The following LRRD1 variants were observed in gnomAD, a reference collection of about 807,000 sequenced individuals.
The protein encoded by LRRD1 is leucine rich repeats and death domain containing 1.
Under a neutral mutation model 69.5 loss-of-function variants are expected in LRRD1, and 49 were observed. The observed-to-expected ratio is 0.70, with a 90% CI of 0.56 to 0.89. LRRD1 has a LOEUF of 0.89. Among genes scored for constraint, LRRD1 ranks in the 40% least tolerant of loss-of-function variants. LRRD1 has a pLI of 0.00. For missense variants in LRRD1, 853 were observed against 956.0 expected, an observed-to-expected ratio of 0.89 and a Z score of 1.42; for synonymous variants, 303 against 338.9, an observed-to-expected ratio of 0.89 and a Z score of 1.16.
At chr7:92,158,911 T>C (rs1788737244) in intron 3 of LRRD1, 94 bp downstream of exon 3, 4 of 948,754 alleles carry the variant, frequency 4.2e-6, no homozygotes, top group Non-Finnish European at 6.2e-6. Flanking sequence ...TTATGTTGAC[T>C]CTTTGCCATT....
At chr7:92,156,576 T>A (rs542213889) in intron 3 of LRRD1, among the ~76,000 whole-genome samples, 5 of 152,336 alleles carry the variant, frequency 3.3e-5, no homozygotes, top group Middle Eastern at 3.4e-3. Context: ...TTTAAAGAAA[T>A]CAATTTCCAA....
At chr7:92,143,798 C>A (rs545724301), downstream of LRRD1, among the ~76,000 whole-genome samples, 1 of 152,334 alleles carries the variant, frequency 6.6e-6, no homozygotes, top group African/African-American at 2.4e-5. Flanking sequence ...CTGAAGGGCT[C>A]CTCAAGTGCC....
intron 1 of LRRD1, among the ~76,000 whole-genome samples, chr7:92,167,365 A>T (rs1788935363): frequency 6.6e-6 from 1 of 151,644 alleles, no homozygotes; most frequent in Non-Finnish European, 1.5e-5. Context: ...AAGTGCTGGG[A>T]TTACAGGTGT....
chr7:92,176,193 C>T (rs1789193067), intron 1 of LRRD1, among the ~76,000 whole-genome samples: 1 of 152,162 alleles, frequency 6.6e-6, no homozygotes, highest in Non-Finnish European at 1.5e-5. Context: ...AAGTGATATA[C>T]CCATGGTATT....
At chr7:92,158,926 A>G in intron 3 of LRRD1, 79 bp downstream of exon 3, 2 of 1,130,036 alleles carry the variant, frequency 1.8e-6, no homozygotes, top group Middle Eastern at 2.3e-4. Flanking sequence ...GCCATTCTGT[A>G]TCTTGTCAGC....
chr7:92,148,673 T>C (rs960150440), intron 4 of LRRD1, among the ~76,000 whole-genome samples: 58 of 152,136 alleles, frequency 3.8e-4, no homozygotes, highest in African/African-American at 1.3e-3. Context: ...TCTAAAGTAC[T>C]GTATCTAACA....
intron 3 of LRRD1, 38 bp from the exon 4 acceptor site, chr7:92,150,733 A>G (rs1255087533): frequency 2.8e-6 from 4 of 1,411,030 alleles, no homozygotes; most frequent in Admixed American, 2.2e-5. Flanking sequence ...ACATCTTTCT[A>G]TAAAAGAAAA....
chr7:92,172,695 G>A (rs531958172), intron 1 of LRRD1, among the ~76,000 whole-genome samples: 2 of 151,898 alleles, frequency 1.3e-5, no homozygotes, highest in South Asian at 2.1e-4. Context: ...TGAAGAGGAC[G>A]CAAAAAATGG....
At chr7:92,174,486 TATATATATATATATA>T (rs1789125498) in intron 1 of LRRD1, among the ~76,000 whole-genome samples, 1 of 16,304 alleles carries the variant, frequency 6.1e-5, no homozygotes, top group Non-Finnish European at 1.5e-4. Context: ...TATATATATA[TATATATATATATATA>T]TATATATATT....
chr7:92,146,297 G>A, intron 4 of LRRD1, 97 bp from the exon 5 acceptor site: 1 of 637,240 alleles, frequency 1.6e-6, no homozygotes, highest in Non-Finnish European at 2.6e-6. Context: ...GTGCTTCTAT[G>A]AAATATATAT....
chr7:92,150,367 A>T (rs1820435429), intron 4 of LRRD1, among the ~76,000 whole-genome samples, 167 bp downstream of exon 4: 1 of 152,148 alleles, frequency 6.6e-6, no homozygotes, highest in African/African-American at 2.4e-5. Flanking sequence ...CAGGAGGCTG[A>T]GGTGGGAGGA....
intron 4 of LRRD1, among the ~76,000 whole-genome samples, chr7:92,149,010 G>A (rs539759592): frequency 3.4e-4 from 51 of 151,618 alleles, no homozygotes; most frequent in African/African-American, 1.1e-3. Flanking sequence ...GCCTCCCAAA[G>A]TGCCGGGATT....
intron 1 of LRRD1, among the ~76,000 whole-genome samples, chr7:92,174,470 AATATATATAT>A (rs1186084706): frequency 0.011 from 219 of 20,224 alleles, 8 homozygotes; most frequent in African/African-American, 0.018. Context: ...TATCAATTAG[AATATATATAT>A]ATATATATAT....
rs1028734633 is a variant in LRRD1, at chr7:92,150,676, T to C, written c.2136A>G (p.Leu712=). ...AAAAAATATTGTAGATAGCACTAGG[T>C]AGAGCTGTCAGATTATTTCCTAGTA... The part of the protein sequence containing the change: ...LNLSGNNLTA[L]PSAIYNIFSL... Residue 712 remains leucine, a synonymous_variant, in exon 4 of 6, where the codon CTA becomes CTG. Coordinates refer to ENST00000458448, the MANE Select transcript of LRRD1 (RefSeq NM_001161528.2). 1.0e-5 allele frequency: 16 copies of C among 1,541,904 alleles called. No homozygotes were observed. Among genetic ancestry groups the C allele is most frequent in the Non-Finnish European group, 1.3e-5 (15 of 1,141,860 alleles).
rs1313654083 is a variant in LRRD1, at chr7:92,144,967, G to A, written c.2504C>T (p.Ala835Val). Residue 835 changes from alanine to valine, a missense_variant, in exon 6 of 6, where the codon GCA (alanine) becomes GTA (valine). Transcript: ENST00000458448. ...AAALRDQLIR[A>V]LTMIGAYEIM... ...TTCATATGCTCCTATCATAGTTAGT[G>A]CTCGAATTAGTTGATCTCTTAAAGC... 6.5e-7 allele frequency: 1 copy of A among 1,545,366 alleles called. No homozygotes were observed. Among genetic ancestry groups the A allele is most frequent in the African/African-American group, 1.4e-5 (1 of 72,950 alleles).
At position 92,144,996 on chromosome 7, in the gene LRRD1, A is replaced by T; in HGVS notation, c.2475T>A (p.Ala825=). 1 of 1,542,982 alleles carries T rather than the reference A, an allele frequency of 6.5e-7. No homozygotes were observed. Among genetic ancestry groups the T allele is most frequent in the Non-Finnish European group, 8.8e-7 (1 of 1,141,494 alleles). The change falls in exon 6 of 6, where the codon GCT becomes GCA. Residue 825 remains alanine (A), a synonymous_variant. Transcript: ENST00000458448. ...KTQSNKLSLT[A]AALRDQLIRA... Reference sequence around the variant, plus strand: ...GAATTAGTTGATCTCTTAAAGCAGCAGCAGTTAGTGATAACTTGTTACTTT... The same window carrying T: ...GAATTAGTTGATCTCTTAAAGCAGCTGCAGTTAGTGATAACTTGTTACTTT...
chr7:92,143,639 C>T (rs1350007358), downstream of LRRD1, among the ~76,000 whole-genome samples: 1 of 152,146 alleles, frequency 6.6e-6, no homozygotes, highest in African/African-American at 2.4e-5. Context: ...GCCGAGCCCA[C>T]GCGCACCCGG....
chr7:92,147,644 T>A (rs1454819788), intron 4 of LRRD1, among the ~76,000 whole-genome samples: 1 of 152,210 alleles, frequency 6.6e-6, no homozygotes, highest in Non-Finnish European at 1.5e-5. Context: ...ATAAGTTGGC[T>A]GAGCAATTAG....
chr7:92,144,523 A>C (rs1437893937), downstream of LRRD1, among the ~76,000 whole-genome samples: 1 of 149,750 alleles, frequency 6.7e-6, no homozygotes, highest in African/African-American at 2.4e-5. Flanking sequence ...GCTACTCAGG[A>C]GGCTGAGGCA....
Sources: allele counts gnomAD v4.1 joint callset (sites outside exome capture counted in the v4.1 genomes callset), GRCh38; gene constraint gnomAD v4.1.1; transcripts MANE v1.5; gene names NCBI Gene and HGNC (gene_info 2026-07-23, HGNC 2026-07-21).